The following NF1 variants were observed in gnomAD, a reference collection of about 807,000 sequenced individuals.
NF1 encodes the protein neurofibromin 1, also known as neurofibromin.
Under a neutral mutation model 325.7 loss-of-function variants are expected in NF1, and 122 were observed. That is an observed-to-expected ratio of 0.37 (90% CI 0.32 to 0.44). The LOEUF (loss-of-function observed/expected upper bound fraction) is 0.44. NF1 is among the 20% of genes least tolerant of loss of function. The probability of loss-of-function intolerance (pLI) is 1.00; values close to 1 mark genes in which losing one functional copy is unlikely to be tolerated. For synonymous variants in NF1, 1,091 were observed against 1,186.0 expected (o/e 0.92, Z 1.65); for missense variants, 2,140 against 3,415.4 (o/e 0.63, Z 9.31).
Position 31,157,704 on chromosome 17 carries a change from A to G in NF1, c.205-1306A>G, listed in dbSNP as rs191321089. ...GCCAGGCATGGTGGCTCACGCCTGT[A>G]ATCCCAGCACTTTGGGAGGCCAAGA... On this transcript the variant is annotated intron_variant, in intron 2 of 57. Coordinates refer to ENST00000358273, the MANE Select transcript of NF1 (RefSeq NM_001042492.3). Among the ~76,000 whole-genome samples the G allele has an allele frequency of 4.8e-4, 73 of 152,054 alleles. 1 individual carries two copies. The highest frequency in any genetic ancestry group is 5.9e-4 in the Admixed American group (9 of 15,276).
intron 1 of NF1, among the ~76,000 whole-genome samples, chr17:31,105,308 C>T (rs535661052): frequency 2.8e-4 from 43 of 152,262 alleles, no homozygotes; most frequent in African/African-American, 1.0e-3. Flanking sequence ...GCATTATGTT[C>T]TAAAACTTTA....
At chr17:31,194,369 A>G (rs1330714669) in intron 8 of NF1, among the ~76,000 whole-genome samples, 1 of 152,096 alleles carries the variant, frequency 6.6e-6, no homozygotes, top group Non-Finnish European at 1.5e-5. Flanking sequence ...AGAACAGAAT[A>G]CTACAGGCTG....
Position 31,286,999 on chromosome 17 carries a change from G to A in NF1, c.4835+21660G>A, listed in dbSNP as rs112057199. 8.6e-3 allele frequency among the ~76,000 whole-genome samples: 1,313 copies of A among 152,286 alleles called. 26 individuals are homozygous for A. The highest frequency in any genetic ancestry group is 0.03 in the African/African-American group (1,231 of 41,560). ...AAAATAATACAAAGTGAAAAACTGC[G>A]TTTCCTGGTGTGAGTATTTCATTAG... On this transcript the variant is annotated intron_variant, in intron 36 of 57. Transcript: ENST00000358273.
At chr17:31,275,029 T>G (rs1373141445) in intron 36 of NF1, among the ~76,000 whole-genome samples, 1 of 152,188 alleles carries the variant, frequency 6.6e-6, no homozygotes, top group African/African-American at 2.4e-5. Context: ...TATCTTAAGC[T>G]CTCCAGGCCT....
In NF1 at chr17:31,169,962, A is replaced by G. The variant is rs876659849; in HGVS notation, c.551A>G (p.Asn184Ser). 4.6e-6 allele frequency: 6 copies of G among 1,313,080 alleles called. No individual in the cohort carries two copies. Among genetic ancestry groups the G allele is most frequent in the East Asian group, 5.5e-5 (2 of 36,268 alleles). 81.3% of individuals were successfully genotyped at this position (1,313,080 alleles called of 1,614,324 possible). The change falls in exon 5 of 58, where the codon AAT (asparagine) becomes AGT (serine). Residue 184 changes from asparagine (N) to serine (S), a missense_variant. Asn to Ser is a conservative substitution (Grantham distance 46). This residue lies in a region of NF1 where 246 missense variants were observed against 347.8 expected (regional missense o/e 0.71). Transcript: ENST00000358273. Reference sequence around the variant, plus strand: ...GATATAGAATTGTTACAGTATATCAATGTGGATTGTGCAAAATTAAAACGA... The same window carrying G: ...GATATAGAATTGTTACAGTATATCAGTGTGGATTGTGCAAAATTAAAACGA... ...VHDIELLQYI[N>S]VDCAKLKRLL...
chr17:31,248,712 G>A (rs2067442436), intron 29 of NF1, among the ~76,000 whole-genome samples: 1 of 151,886 alleles, frequency 6.6e-6, no homozygotes, highest in Non-Finnish European at 1.5e-5. Context: ...TAGTAGAGAT[G>A]GGGTTTCACC....
intron 1 of NF1, among the ~76,000 whole-genome samples, chr17:31,141,393 A>G (rs1688397206): frequency 6.6e-6 from 1 of 152,010 alleles, no homozygotes; most frequent in Non-Finnish European, 1.5e-5. Flanking sequence ...TTTAGGTATT[A>G]ATAAAAGAAA....
At chr17:31,112,450 T>G (rs1188341324) in intron 1 of NF1, among the ~76,000 whole-genome samples, 1 of 152,186 alleles carries the variant, frequency 6.6e-6, no homozygotes, top group Non-Finnish European at 1.5e-5. Context: ...CAACACTTAT[T>G]TAACCTTTTC....
chr17:31,324,613 G>A (rs906710349), intron 36 of NF1, among the ~76,000 whole-genome samples: 14 of 151,952 alleles, frequency 9.2e-5, no homozygotes, highest in African/African-American at 3.1e-4. Flanking sequence ...CCAGGCTGAA[G>A]TGCAGTGGTA....
chr17:31,150,342 C>G (rs1014515979), intron 1 of NF1, among the ~76,000 whole-genome samples: 2 of 152,164 alleles, frequency 1.3e-5, no homozygotes, highest in Non-Finnish European at 2.9e-5. Flanking sequence ...TGAGTGGGAT[C>G]TGGGAAAGTA....
rs745558332 is a variant in NF1 at position 31,359,049 on chromosome 17, A to G, written c.8160+34A>G. The G allele has an allele frequency of 3.8e-6, 6 of 1,589,368 alleles. No individual in the cohort carries two copies. The East Asian group carries it at 8.9e-5, about 24-fold the overall frequency. On this transcript the variant is annotated intron_variant, in intron 56 of 57. Coordinates refer to ENST00000358273, the MANE Select transcript of NF1 (RefSeq NM_001042492.3). ...ATATATTTTTCTCTAACTTTTGGCA[A>G]AATGAAGGTTTCTGTTCAAATTAGT...
Position 31,206,371 on chromosome 17 carries a change from G to C in NF1, c.1392G>C (p.Pro464=), listed in dbSNP as rs201604273. ...CGAHPAIRMA[P]SLTFKEKVTS... ...CACACCCAGCAATACGAATGGCACC[G>C]GTAAGATAAATCACGAATTTTGAAT... is the stretch of plus-strand genomic sequence containing the variant. The change falls in exon 12 of 58, where the codon CCG becomes CCC. Residue 464 remains proline, a splice_region_variant and synonymous_variant. Coordinates refer to ENST00000358273, the MANE Select transcript of NF1 (RefSeq NM_001042492.3). The C allele has an allele frequency of 6.2e-7, 1 of 1,613,452 alleles. No homozygotes were observed. The highest frequency in any genetic ancestry group is 2.2e-5 in the East Asian group (1 of 44,868).
chr17:31,327,247 C>T (rs2069368115), intron 37 of NF1, among the ~76,000 whole-genome samples: 1 of 152,248 alleles, frequency 6.6e-6, no homozygotes, highest in Admixed American at 6.5e-5. Context: ...CAGGGATGAG[C>T]CACTGCACCC....
intron 36 of NF1, chr17:31,295,629 T>G: frequency 6.2e-7 from 1 of 1,614,110 alleles, no homozygotes; most frequent in Non-Finnish European, 8.5e-7. Context: ...AAGTAAGTAA[T>G]GTTTTGTTTG....
chr17:31,248,006 C>T (rs1007862127), intron 29 of NF1, among the ~76,000 whole-genome samples: 9 of 151,458 alleles, frequency 5.9e-5, no homozygotes, highest in Non-Finnish European at 1.2e-4. Flanking sequence ...AGTTTGAGAC[C>T]AGCCTGACCA....
chr17:31,237,820 TTACTA>T (rs2067229425), intron 29 of NF1, among the ~76,000 whole-genome samples: 1 of 152,130 alleles, frequency 6.6e-6, no homozygotes, highest in Non-Finnish European at 1.5e-5. Context: ...TCAAATAAGT[TTACTA>T]TACAAAGTGC....
intron 52 of NF1, 23 bp from the exon 53 acceptor site, chr17:31,356,937 G>A (rs2070284984): frequency 6.2e-7 from 1 of 1,613,274 alleles, no homozygotes; most frequent in Non-Finnish European, 8.5e-7. Flanking sequence ...GTTTGATCAC[G>A]TTAATTCCCT....
At position 31,201,448 on chromosome 17, in the gene NF1, A is replaced by G. The variant is rs876660344; in HGVS notation, c.1223A>G (p.Tyr408Cys). The G allele has an allele frequency of 6.8e-6, 11 of 1,611,842 alleles. No homozygotes were observed. Among genetic ancestry groups the G allele is most frequent in the Non-Finnish European group, 4.2e-6 (5 of 1,179,274 alleles). ...CAGAATTCACCTTCTACATTTCACT[A>G]TGTGCTGGTAAATTCACTCCATCGA... ...LAQNSPSTFH[Y>C]VLVNSLHRII... is the part of the protein sequence containing the mutation. Residue 408 changes from tyrosine to cysteine, a missense_variant, in exon 11 of 58, where the codon TAT (tyrosine) becomes TGT (cysteine). By Grantham distance (194) the Tyr-to-Cys change is radical. This residue lies in a region of NF1 where 179 missense variants were observed against 381.0 expected (regional missense o/e 0.47). Coordinates refer to ENST00000358273, the MANE Select transcript of NF1 (RefSeq NM_001042492.3).
chr17:31,325,736 C>A, intron 36 of NF1, 84 bp from the exon 37 acceptor site: 2 of 1,020,946 alleles, frequency 2.0e-6, no homozygotes, highest in Non-Finnish European at 3.0e-6. Flanking sequence ...GAAAATGAAT[C>A]ATAAAATAAA....
Sources: gnomAD v4.1 joint callset for allele counts (sites outside exome capture counted in the v4.1 genomes callset) on GRCh38, gnomAD v4.1.1 for gene constraint, gnomAD v4.1.1 regional missense constraint, MANE v1.5 for transcripts, NCBI Gene and HGNC (gene_info 2026-07-23, HGNC 2026-07-21) for gene names.